Variants in GOLGA6D observed in about 807,000 individuals in gnomAD.
GOLGA6D encodes the protein golgin subfamily A member 6D.
A neutral mutation model predicts 42.1 loss-of-function variants in GOLGA6D; 9 were observed. The observed-to-expected ratio is 0.21, with a 90% CI of 0.13 to 0.37. The LOEUF (loss-of-function observed/expected upper bound fraction) is 0.37, where lower values mean the gene tolerates loss of function less well. GOLGA6D is among the 10% of genes least tolerant of loss of function. The probability of loss-of-function intolerance (pLI) is 1.00; values close to 1 mark genes in which losing one functional copy is unlikely to be tolerated. For synonymous variants in GOLGA6D, 39 were observed against 167.3 expected, an observed-to-expected ratio of 0.23 and a Z score of 5.92; for missense variants, 87 against 420.8, an observed-to-expected ratio of 0.21 and a Z score of 6.94.
At position 75,294,456 on chromosome 15, in the gene GOLGA6D, C is replaced by T. The variant is rs761280509; in HGVS notation, c.2063C>T (p.Pro688Leu). The change falls in exon 18 of 18, where the codon CCT becomes CTT. Residue 688 changes from proline (P) to leucine (L), a missense_variant. Physicochemically the swap from Pro to Leu is moderately conservative, Grantham distance 98 (BLOSUM62 -3). Coordinates refer to ENST00000434739, the MANE Select transcript of GOLGA6D (RefSeq NM_001145224.3). ...PTVQQIVQLS[P>L]VMQDT ...GTACAGCAGATCGTGCAGCTGTCTCCTGTCATGCAGGACACCTAGGAGCAC... is the reference window on the plus strand; with the variant it reads ...GTACAGCAGATCGTGCAGCTGTCTCTTGTCATGCAGGACACCTAGGAGCAC... 2.1e-5 allele frequency: 33 copies of T among 1,596,490 alleles called. 4 individuals carry two copies. Among genetic ancestry groups the T allele is most frequent in the Non-Finnish European group, 2.8e-5 (33 of 1,174,498 alleles).
chr15:75,276,244 C>T, the GOLGA6D span, among the ~76,000 whole-genome samples: 2 of 151,716 alleles, frequency 1.3e-5, no homozygotes, highest in African/African-American at 4.9e-5. Context: ...TGTCCTCTGT[C>T]CCTTCCTAGC....
Position 75,294,486 on chromosome 15 carries a change from G to C in GOLGA6D, c.*11G>C, listed in dbSNP as rs779936897. 16 of 1,567,438 alleles carry C rather than the reference G, an allele frequency of 1.0e-5. 1 individual carries two copies. The highest frequency in any genetic ancestry group is 9.8e-5 in the Admixed American group (5 of 51,126). ...ATGCAGGACACCTAGGAGCACCCAGGCTTGCCCAGCAAACCCTGCGTGCCA... is the reference window on the plus strand; with the variant it reads ...ATGCAGGACACCTAGGAGCACCCAGCCTTGCCCAGCAAACCCTGCGTGCCA... On this transcript the variant is annotated 3_prime_UTR_variant, in exon 18 of 18. Transcript: ENST00000434739.
upstream of GOLGA6D, among the ~76,000 whole-genome samples, chr15:75,278,973 T>C (rs1344091586): frequency 6.7e-6 from 1 of 149,026 alleles, no homozygotes; most frequent in Non-Finnish European, 1.5e-5. Context: ...GATAAGTAGT[T>C]CTTTTGACAT....
rs2070902031 is a variant in GOLGA6D at position 75,295,372 on chromosome 15, GA to G, written c.*898del. 7.3e-6 allele frequency: 1 copy of G among 137,712 alleles called. No homozygotes were observed. Among genetic ancestry groups the G allele is most frequent in the Admixed American group, 7.4e-5 (1 of 13,570 alleles). 8.5% of individuals were successfully genotyped at this position (137,712 alleles called of 1,614,324 possible). On this transcript the variant is annotated 3_prime_UTR_variant, in exon 18 of 18. Coordinates refer to ENST00000434739, the MANE Select transcript of GOLGA6D (RefSeq NM_001145224.3). ...GATGACCTAAAAAGGGATTATTTCT[GA>G]GGAATGAAAGGCTCCCATCATTGAC...
At chr15:75,293,561 C>T (rs550953195) in intron 14 of GOLGA6D, among the ~76,000 whole-genome samples, 168 bp from the exon 15 acceptor site, 81 of 144,834 alleles carry the variant, frequency 5.6e-4, no homozygotes, top group African/African-American at 2.1e-3. Context: ...GCAGAGGCCC[C>T]AGCCCCAGGG....
the GOLGA6D span, among the ~76,000 whole-genome samples, chr15:75,276,608 G>A: frequency 1.8e-5 from 1 of 54,542 alleles, no homozygotes; most frequent in Non-Finnish European, 3.5e-5. Flanking sequence ...CCAGGGCTGT[G>A]TCCATGCTGT....
chr15:75,276,175 C>A, the GOLGA6D span, among the ~76,000 whole-genome samples: 1 of 151,434 alleles, frequency 6.6e-6, no homozygotes, highest in African/African-American at 2.4e-5. Flanking sequence ...ATGGGGAAGA[C>A]CCACTTAGGG....
chr15:75,277,366 A>G, the GOLGA6D span, among the ~76,000 whole-genome samples: 248 of 59,248 alleles, frequency 4.2e-3, 1 homozygote, highest in South Asian at 3.9e-3. Flanking sequence ...AAAGTGCTGC[A>G]ATTATAGGCG....
chr15:75,278,796 T>C (rs1370769209), upstream of GOLGA6D, among the ~76,000 whole-genome samples: 1 of 151,816 alleles, frequency 6.6e-6, no homozygotes, highest in Admixed American at 6.6e-5. Flanking sequence ...GTAGCATAGA[T>C]GGTTGTACTT....
chr15:75,276,658 T>TA, the GOLGA6D span, among the ~76,000 whole-genome samples: 2 of 69,650 alleles, frequency 2.9e-5, no homozygotes, highest in African/African-American at 5.6e-5. Context: ...ATGACGCCTG[T>TA]AAGGGCTCCA....
Position 75,289,431 on chromosome 15 carries a change from G to A in GOLGA6D, c.599G>A (p.Arg200Gln), listed in dbSNP as rs1210711607. The change falls in exon 8 of 18, where the codon CGG (arginine) becomes CAG (glutamine). Residue 200 changes from arginine (R) to glutamine (Q), a missense_variant. Arg to Gln is a conservative substitution (Grantham distance 43). Transcript: ENST00000434739. ...TGCAGAGAAGCGGTCCTCCAGCGGCGGTTACAGCAGACCATAAAGGAGCGG... is the reference window on the plus strand; with the variant it reads ...TGCAGAGAAGCGGTCCTCCAGCGGCAGTTACAGCAGACCATAAAGGAGCGG... ...SSCREAVLQR[R>Q]LQQTIKERAL... 17 of 1,526,184 alleles carry A rather than the reference G, an allele frequency of 1.1e-5. 1 individual carries two copies. The highest frequency in any genetic ancestry group is 2.3e-5 in the East Asian group (1 of 43,192). 94.5% of individuals were successfully genotyped at this position (1,526,184 alleles called of 1,614,324 possible). A position where few individuals can be genotyped will look rare whatever the true frequency, so the allele number is the denominator to read the frequency against.
At chr15:75,278,069 A>C (rs1595818595), upstream of GOLGA6D, among the ~76,000 whole-genome samples, 6 of 119,166 alleles carry the variant, frequency 5.0e-5, no homozygotes, top group East Asian at 1.0e-3. Context: ...TTTGGAAGGA[A>C]AACTGCAGCT....
rs59539121 is a variant in GOLGA6D, at chr15:75,288,720, GGTGTGTGT to G, written c.564+381_564+388del. Among the ~76,000 whole-genome samples the G allele has an allele frequency of 2.4e-4, 28 of 116,194 alleles. 1 individual carries two copies. Among genetic ancestry groups the G allele is most frequent in the Non-Finnish European group, 3.1e-4 (17 of 55,222 alleles). 76.2% of individuals were successfully genotyped at this position (116,194 alleles called of 152,430 possible). A position where few individuals can be genotyped will look rare whatever the true frequency, so the allele number is the denominator to read the frequency against. ...ACCATTTCTGTAGAGAGAGGAAAGG[GGTGTGTGT>G]GTGTGTGTGTGTGTGTGTGTGTGTA... On this transcript the variant is annotated intron_variant, in intron 7 of 17. Transcript: ENST00000434739.
At chr15:75,286,020 T>C (rs2070852660) in intron 2 of GOLGA6D, among the ~76,000 whole-genome samples, 1 of 116,570 alleles carries the variant, frequency 8.6e-6, no homozygotes. Flanking sequence ...ATCTTGGAAA[T>C]GGTGACGCCT....
chr15:75,277,834 T>C, the GOLGA6D span, among the ~76,000 whole-genome samples: 1 of 151,746 alleles, frequency 6.6e-6, no homozygotes, highest in African/African-American at 2.4e-5. Context: ...TTTGGGGTTT[T>C]CTGGGTGAAA....
chr15:75,285,989 TC>T (rs2070852458), intron 2 of GOLGA6D, among the ~76,000 whole-genome samples: 3 of 104,876 alleles, frequency 2.9e-5, no homozygotes, highest in African/African-American at 1.1e-4. Flanking sequence ...TTGGGTTTTT[TC>T]CTTCCCCGCG....
chr15:75,289,134 A>AT (rs2070868939), intron 7 of GOLGA6D, among the ~76,000 whole-genome samples: 1 of 124,398 alleles, frequency 8.0e-6, no homozygotes, highest in Admixed American at 8.2e-5. Context: ...GAAGCACTCC[A>AT]TAACGGTTCA....
rs1269410573 is a variant in GOLGA6D, at chr15:75,290,767, CAGGAGGAGAGGCTGTGGAAGA to C, written c.1248_1268del (p.Trp417_Leu423del). ...AAAGCAGGAAAAGAGGCTGTGGGAC[CAGGAGGAGAGGCTGTGGAAGA>C]AGGAGGAGAGGCTACAAAAGCAGGA... On this transcript the variant is annotated inframe_deletion, in exon 11 of 18. Coordinates refer to ENST00000434739, the MANE Select transcript of GOLGA6D (RefSeq NM_001145224.3). 3.5e-5 allele frequency: 1 copy of C among 28,478 alleles called. No homozygotes were observed. The highest frequency in any genetic ancestry group is 7.8e-4 in the South Asian group (1 of 1,278). 1.8% of individuals were successfully genotyped at this position (28,478 alleles called of 1,614,324 possible).
chr15:75,288,720 G>GGT (rs59539121), intron 7 of GOLGA6D, among the ~76,000 whole-genome samples: 2 of 116,212 alleles, frequency 1.7e-5, no homozygotes, highest in Middle Eastern at 4.3e-3. Context: ...AGAGGAAAGG[G>GGT]GTGTGTGTGT....
Sources: allele counts gnomAD v4.1 joint callset (sites outside exome capture counted in the v4.1 genomes callset), GRCh38; gene constraint gnomAD v4.1.1; transcripts MANE v1.5; gene names NCBI Gene and HGNC (gene_info 2026-07-23, HGNC 2026-07-21).